The following ADGRB3 variants were observed in gnomAD, a reference collection of about 807,000 sequenced individuals.
ADGRB3 encodes adhesion G protein-coupled receptor B3, also known as brain-specific angiogenesis inhibitor 3.
Under a neutral mutation model 193.4 loss-of-function variants are expected in ADGRB3, and 37 were observed. The observed-to-expected ratio is 0.19, with a 90% confidence interval of 0.15 to 0.25. The LOEUF is 0.25. Ranked by LOEUF, ADGRB3 falls within the 10% of genes least tolerant of loss-of-function variation. ADGRB3 has a pLI of 1.00. For missense variants in ADGRB3, 1,637 were observed against 1,852.9 expected (o/e 0.88, Z 2.14); for synonymous variants, 690 against 644.2 (o/e 1.07, Z -1.08).
intron 17 of ADGRB3, among the ~76,000 whole-genome samples, chr6:69,142,940 A>C (rs2150338375): frequency 6.6e-6 from 1 of 152,278 alleles, no homozygotes; most frequent in East Asian, 1.9e-4. Flanking sequence ...TTGCTGGATC[A>C]TATGGTACCT....
chr6:68,710,798 G>T (rs1317726245), intron 3 of ADGRB3, among the ~76,000 whole-genome samples: 1 of 152,018 alleles, frequency 6.6e-6, no homozygotes, highest in African/African-American at 2.4e-5. Context: ...TCATTTCTTT[G>T]CCTTAGGTTC....
chr6:69,337,280 C>T (rs927614338), intron 24 of ADGRB3, among the ~76,000 whole-genome samples: 4 of 152,098 alleles, frequency 2.6e-5, no homozygotes, highest in African/African-American at 9.7e-5. Flanking sequence ...ATAAAGGAAA[C>T]AATATATAAC....
At chr6:68,688,986 C>T (rs1765026536) in intron 3 of ADGRB3, among the ~76,000 whole-genome samples, 1 of 151,928 alleles carries the variant, frequency 6.6e-6, no homozygotes, top group South Asian at 2.1e-4. Flanking sequence ...GGAGTTCCAC[C>T]AAGACACAGA....
intron 10 of ADGRB3, among the ~76,000 whole-genome samples, chr6:68,984,205 A>C (rs1215187127): frequency 1.3e-5 from 2 of 152,168 alleles, no homozygotes; most frequent in Admixed American, 6.6e-5. Flanking sequence ...TGAGGTTTCT[A>C]TGGAGGATAG....
chr6:68,721,297 TA>T (rs534666881), intron 3 of ADGRB3, among the ~76,000 whole-genome samples: 5,386 of 151,772 alleles, frequency 0.035, 301 homozygotes, highest in African/African-American at 0.12. Flanking sequence ...TATGCAGCCA[TA>T]AAAAAGGATG....
chr6:68,961,199 G>A (rs1054389488), intron 8 of ADGRB3, among the ~76,000 whole-genome samples: 7 of 152,072 alleles, frequency 4.6e-5, no homozygotes, highest in Non-Finnish European at 7.4e-5. Flanking sequence ...TAGCTGTTGT[G>A]CACAAAGAAA....
chr6:69,218,761 C>G (rs939546290), intron 17 of ADGRB3, among the ~76,000 whole-genome samples: 2 of 152,062 alleles, frequency 1.3e-5, no homozygotes, highest in Non-Finnish European at 2.9e-5. Context: ...AGTCAGTAGA[C>G]AAAATCGGAG....
At chr6:69,175,187 CAA>C (rs2150349297) in intron 17 of ADGRB3, among the ~76,000 whole-genome samples, 1 of 152,132 alleles carries the variant, frequency 6.6e-6, no homozygotes, top group South Asian at 2.1e-4. Flanking sequence ...AATTCTTTCC[CAA>C]GTTTGATGTC....
intron 24 of ADGRB3, among the ~76,000 whole-genome samples, chr6:69,337,564 C>T (rs1768880758): frequency 6.6e-6 from 1 of 152,134 alleles, no homozygotes; most frequent in Admixed American, 6.6e-5. Flanking sequence ...CTAAACTAAA[C>T]TGGATAGACT....
At chr6:68,962,055 C>T (rs543434686) in intron 8 of ADGRB3, among the ~76,000 whole-genome samples, 102 of 152,226 alleles carry the variant, frequency 6.7e-4, no homozygotes, top group African/African-American at 2.3e-3. Context: ...AACCTAAAAC[C>T]AGCCACTGAG....
rs556491565 is a variant in ADGRB3 at position 69,085,824 on chromosome 6, T to C, written c.2480+9786T>C. On this transcript the variant is annotated intron_variant, in intron 17 of 31. Transcript: ENST00000370598. Reference sequence around the variant, plus strand: ...TAAAATTCTTACTAATATATTTATCTAATTATTTAAAATATAGATTTGAAT... The same window carrying C: ...TAAAATTCTTACTAATATATTTATCCAATTATTTAAAATATAGATTTGAAT... Among the ~76,000 whole-genome samples the C allele has an allele frequency of 7.9e-5, 12 of 151,854 alleles. No homozygotes were observed. In the South Asian group the frequency reaches 2.3e-3, roughly 29 times the overall value.
intron 27 of ADGRB3, among the ~76,000 whole-genome samples, chr6:69,355,461 ATTAT>A (rs1225696610): frequency 6.6e-5 from 10 of 152,206 alleles, no homozygotes; most frequent in African/African-American, 2.4e-4. Flanking sequence ...AACAAACATA[ATTAT>A]TTAAGAATAT....
intron 17 of ADGRB3, among the ~76,000 whole-genome samples, chr6:69,114,062 A>G (rs1218615992): frequency 1.3e-5 from 2 of 152,212 alleles, no homozygotes; most frequent in African/African-American, 4.8e-5. Context: ...AAAATCGAGT[A>G]TCCCAATAAC....
intron 3 of ADGRB3, among the ~76,000 whole-genome samples, chr6:68,720,340 T>C (rs1765555221): frequency 6.6e-6 from 1 of 151,930 alleles, no homozygotes; most frequent in Middle Eastern, 3.4e-3. Flanking sequence ...CACACCTCCC[T>C]GATCTGCAAG....
At chr6:69,018,972 G>C (rs1770180656) in intron 13 of ADGRB3, among the ~76,000 whole-genome samples, 1 of 151,950 alleles carries the variant, frequency 6.6e-6, no homozygotes, top group South Asian at 2.1e-4. Flanking sequence ...TAGAACACTT[G>C]AGAATAACTT....
intron 20 of ADGRB3, among the ~76,000 whole-genome samples, chr6:69,247,901 T>C (rs1766534052): frequency 6.6e-6 from 1 of 152,160 alleles, no homozygotes; most frequent in Non-Finnish European, 1.5e-5. Flanking sequence ...TTTTTTTTTA[T>C]TATTGTTGTA....
chr6:69,349,027 C>T (rs1188270848), intron 26 of ADGRB3, among the ~76,000 whole-genome samples: 3 of 152,180 alleles, frequency 2.0e-5, no homozygotes, highest in Non-Finnish European at 4.4e-5. Flanking sequence ...ATTCCCAGCT[C>T]TGCTACTTGT....
intron 3 of ADGRB3, among the ~76,000 whole-genome samples, chr6:68,706,662 T>C (rs1269447330): frequency 1.3e-5 from 2 of 152,216 alleles, no homozygotes; most frequent in Non-Finnish European, 2.9e-5. Context: ...TTGTCTGCTG[T>C]AGAATAGTAT....
chr6:69,031,620 T>A (rs1770712099), intron 13 of ADGRB3, among the ~76,000 whole-genome samples: 1 of 146,858 alleles, frequency 6.8e-6, no homozygotes, highest in Non-Finnish European at 1.5e-5. Context: ...CTTTCCTTTT[T>A]TTCTTTTCCT....
Sources: gnomAD v4.1 joint callset for allele counts (sites outside exome capture counted in the v4.1 genomes callset) on GRCh38, gnomAD v4.1.1 for gene constraint, MANE v1.5 for transcripts, NCBI Gene and HGNC (gene_info 2026-07-23, HGNC 2026-07-21) for gene names.